Variants in DBH observed in about 807,000 individuals in gnomAD.
The protein encoded by DBH is dopamine beta-hydroxylase (dopamine beta-monooxygenase).
A neutral mutation model predicts 64.0 loss-of-function variants in DBH; 49 were observed. That is an observed-to-expected ratio of 0.77 (90% CI 0.61 to 0.97). The LOEUF is 0.97. Ranked by LOEUF, DBH falls within the 50% of genes least tolerant of loss-of-function variation. The pLI, the probability that DBH is intolerant of heterozygous loss-of-function variation, is 0.00. For synonymous variants in DBH, 343 were observed against 347.1 expected, an observed-to-expected ratio of 0.99 and a Z score of 0.13; for missense variants, 828 against 826.6, an observed-to-expected ratio of 1.00 and a Z score of -0.02.
At chr9:133,647,814 C>T (rs200156793) in intron 5 of DBH, 32 bp from the exon 6 acceptor site, 36 of 1,613,748 alleles carry the variant, frequency 2.2e-5, no homozygotes, top group East Asian at 4.5e-5. Flanking sequence ...CTCCACTTAC[C>T]GCTCACCTCC....
At chr9:133,648,311 C>A (rs1832207328) in intron 6 of DBH, among the ~76,000 whole-genome samples, 1 of 152,226 alleles carries the variant, frequency 6.6e-6, no homozygotes, top group African/African-American at 2.4e-5. Context: ...GCAACACACA[C>A]ATGCACTTGC....
At chr9:133,639,519 A>G (rs1832091600) in intron 1 of DBH, among the ~76,000 whole-genome samples, 1 of 152,220 alleles carries the variant, frequency 6.6e-6, no homozygotes, top group Admixed American at 6.5e-5. Context: ...TAAGAAGCTC[A>G]GTGTCCCGCC....
Position 133,656,587 on chromosome 9 carries a change from TG to T in DBH, c.1501del (p.Glu501SerfsTer52), listed in dbSNP as rs1293545671. 6.2e-7 allele frequency: 1 copy of T among 1,613,576 alleles called. No homozygotes were observed. The highest frequency in any genetic ancestry group is 1.3e-5 in the African/African-American group (1 of 74,930). Reference sequence around the variant, plus strand: ...GTGCACTACTACCCCCAGACGCAGCTGGAGCTCTGCAAGAGCGCTGTGGACG... The same window carrying T: ...GTGCACTACTACCCCCAGACGCAGCTGAGCTCTGCAAGAGCGCTGTGGACG... ...NYVHYYPQTQ[L>X]ELCKSAVDAG... On this transcript the variant is annotated frameshift_variant, in exon 10 of 12. Transcript: ENST00000393056. LOFTEE classifies it high-confidence loss of function.
intron 2 of DBH, among the ~76,000 whole-genome samples, chr9:133,641,328 G>T (rs1832113862): frequency 6.6e-6 from 1 of 152,184 alleles, no homozygotes; most frequent in African/African-American, 2.4e-5. Flanking sequence ...AGGTTGTTGA[G>T]CCCTTACCCT....
At chr9:133,657,428 A>AGTG in intron 11 of DBH, 199 bp downstream of exon 11, 2 of 420,268 alleles carry the variant, frequency 4.8e-6, no homozygotes, top group East Asian at 4.7e-5. Context: ...GAGAGAGGAG[A>AGTG]GAGAGGAGAG....
At chr9:133,645,407 A>G (rs1832171159) in intron 5 of DBH, among the ~76,000 whole-genome samples, 1 of 152,206 alleles carries the variant, frequency 6.6e-6, no homozygotes, top group South Asian at 2.1e-4. Context: ...CTCCTGAAGC[A>G]TCAGGGAAGT....
chr9:133,640,230 C>G (rs113492515), intron 2 of DBH, among the ~76,000 whole-genome samples: 2 of 152,210 alleles, frequency 1.3e-5, no homozygotes, highest in Non-Finnish European at 2.9e-5. Flanking sequence ...TTTGCCAACA[C>G]GTAGCTGACA....
chr9:133,636,626 C>G lies in DBH; in HGVS notation c.255C>G (p.Val85=). The change falls in exon 1 of 12, where the codon GTC becomes GTG. Residue 85 remains valine (V), a synonymous_variant. Transcript: ENST00000393056. ...TGGTGCGGAGGCTCAAGGCTGGCGT[C>G]CTGTTTGGGATGTCCGACCGTGGCG... ...QLLVRRLKAG[V]LFGMSDRGEL... is the part of the protein sequence containing the mutation. 1 of 1,613,422 alleles carries G rather than the reference C, an allele frequency of 6.2e-7. No individual in the cohort carries two copies. Among genetic ancestry groups the G allele is most frequent in the Non-Finnish European group, 8.5e-7 (1 of 1,180,016 alleles).
rs571064611 is a variant in DBH, at chr9:133,647,990, G to A, written c.1169G>A (p.Cys390Tyr). The A allele has an allele frequency of 6.2e-7, 1 of 1,613,088 alleles. No homozygotes were observed. Among genetic ancestry groups the A allele is most frequent in the African/African-American group, 1.3e-5 (1 of 75,062 alleles). ...ACCGCCTTCATCCTCACTGGCTACT[G>A]CACGGACAAGTGCACCCAGCTGGTG... ...RETAFILTGYCTDKCTQLALP... is the reference protein window; with the variant it reads ...RETAFILTGYYTDKCTQLALP... The change falls in exon 6 of 12, where the codon TGC becomes TAC. Residue 390 changes from cysteine to tyrosine, a missense_variant. Coordinates refer to ENST00000393056, the MANE Select transcript of DBH (RefSeq NM_000787.4).
Position 133,640,551 on chromosome 9 carries a change from A to G in DBH, c.486+559A>G, listed in dbSNP as rs1307165116. On this transcript the variant is annotated intron_variant, in intron 2 of 11. Coordinates refer to ENST00000393056, the MANE Select transcript of DBH (RefSeq NM_000787.4). Reference sequence around the variant, plus strand: ...AGCCATAGGCTTCTTATGCTGCTCTAAGAGCCCCCCAACCTCTTAGGGAAA... The same window carrying G: ...AGCCATAGGCTTCTTATGCTGCTCTGAGAGCCCCCCAACCTCTTAGGGAAA... 4.6e-5 allele frequency among the ~76,000 whole-genome samples: 7 copies of G among 152,364 alleles called. No individual in the cohort carries two copies. In the East Asian group the frequency reaches 1.3e-3, roughly 29 times the overall value.
chr9:133,641,843 A>G (rs1213529919), intron 2 of DBH, among the ~76,000 whole-genome samples: 1 of 152,200 alleles, frequency 6.6e-6, no homozygotes, highest in Non-Finnish European at 1.5e-5. Flanking sequence ...GAACTGACCA[A>G]TGATCCCCCA....
At chr9:133,653,066 G>T (rs940614059) in intron 9 of DBH, 67 bp downstream of exon 9, 11 of 1,265,518 alleles carry the variant, frequency 8.7e-6, no homozygotes, top group Non-Finnish European at 1.3e-5. Flanking sequence ...ATCTGAGGAA[G>T]GATGACAGGT....
chr9:133,640,025 T>A, intron 2 of DBH, 33 bp downstream of exon 2: 1 of 1,612,844 alleles, frequency 6.2e-7, no homozygotes, highest in Non-Finnish European at 8.5e-7. Flanking sequence ...CAGGAGGGCG[T>A]GGGCTGCGTG....
Position 133,644,320 on chromosome 9 carries a change from G to C in DBH, c.1024G>C (p.Gly342Arg). ...VHYHNPLVIEGRNDSSGIRLY... is the reference protein window; with the variant it reads ...VHYHNPLVIERRNDSSGIRLY... ...CTACCACAACCCACTGGTGATAGAA[G>C]GTAGGCGGCTCTGCTGCCATCCTCC... is the stretch of plus-strand genomic sequence containing the variant. Residue 342 changes from glycine (G) to arginine (R), a missense_variant and splice_region_variant, in exon 5 of 12, where the codon GGA (glycine) becomes CGA (arginine). Transcript: ENST00000393056. The C allele has an allele frequency of 1.2e-6, 2 of 1,613,022 alleles. No homozygotes were observed. Among genetic ancestry groups the C allele is most frequent in the Non-Finnish European group, 1.7e-6 (2 of 1,178,974 alleles).
chr9:133,653,073 AG>A, intron 9 of DBH, 74 bp downstream of exon 9: 1 of 1,163,832 alleles, frequency 8.6e-7, no homozygotes, highest in Non-Finnish European at 1.3e-6. Context: ...GAAGGATGAC[AG>A]GTCTTGACTC....
chr9:133,638,995 C>G (rs866506235), intron 1 of DBH, among the ~76,000 whole-genome samples: 1 of 152,050 alleles, frequency 6.6e-6, no homozygotes, highest in Non-Finnish European at 1.5e-5. Flanking sequence ...GAAGCATCCT[C>G]GGAGAATGCA....
intron 6 of DBH, among the ~76,000 whole-genome samples, chr9:133,649,638 C>T (rs376608013): frequency 3.5e-4 from 54 of 152,354 alleles, no homozygotes; most frequent in Middle Eastern, 3.4e-3. Context: ...CCATTGTCTC[C>T]GGCAGGAAAT....
Position 133,658,594 on chromosome 9 carries a change from C to A in DBH, c.*147C>A. On this transcript the variant is annotated 3_prime_UTR_variant, in exon 12 of 12. Transcript: ENST00000393056. ...CCACGCCCCTGCCTGAGACCACGGT[C>A]CAATCCAGCCTTCTTCCCCCAGGGT... 1 of 939,238 alleles carries A rather than the reference C, an allele frequency of 1.1e-6. No homozygotes were observed. The highest frequency in any genetic ancestry group is 1.5e-6 in the Non-Finnish European group (1 of 656,764). 58.2% of individuals were successfully genotyped at this position (939,238 alleles called of 1,614,324 possible).
intron 5 of DBH, among the ~76,000 whole-genome samples, chr9:133,645,187 A>G (rs917024886): frequency 6.0e-5 from 9 of 151,050 alleles, no homozygotes; most frequent in African/African-American, 1.9e-4. Context: ...GGAAAGGCTC[A>G]CGCACAGAAC....
Sources: allele counts gnomAD v4.1 joint callset (sites outside exome capture counted in the v4.1 genomes callset), GRCh38; gene constraint gnomAD v4.1.1; transcripts MANE v1.5; gene names NCBI Gene and HGNC (gene_info 2026-07-23, HGNC 2026-07-21).